Variants in ATP10A observed in about 807,000 individuals in gnomAD.
ATP10A encodes ATPase phospholipid transporting 10A (putative), also known as phospholipid-transporting ATPase VA.
ATP10A carries 111 observed loss-of-function variants against 147.8 expected under a neutral mutation model. The ratio of observed to expected loss-of-function variants is 0.75; its 90% CI spans 0.64 to 0.88. The LOEUF (loss-of-function observed/expected upper bound fraction) is 0.88, where lower values mean the gene tolerates loss of function less well. Ranked by LOEUF, ATP10A falls within the 40% of genes least tolerant of loss-of-function variation. ATP10A has a pLI of 0.00. For synonymous variants in ATP10A, 875 were observed against 841.6 expected (o/e 1.04, Z -0.69); for missense variants, 1,927 against 1,959.0 (o/e 0.98, Z 0.31).
intron 2 of ATP10A, among the ~76,000 whole-genome samples, chr15:25,737,951 C>T (rs1887378922): frequency 6.6e-6 from 1 of 152,188 alleles, no homozygotes; most frequent in South Asian, 2.1e-4. Flanking sequence ...TGTCCAGCTT[C>T]CAGACCTGTG....
intron 1 of ATP10A, among the ~76,000 whole-genome samples, chr15:25,790,947 C>T (rs774178559): frequency 2.6e-5 from 4 of 152,086 alleles, no homozygotes; most frequent in Admixed American, 6.6e-5. Context: ...CTTATTCCTA[C>T]GGAGAAGTTT....
In ATP10A at chr15:25,726,066, A is replaced by G; in HGVS notation, c.864T>C (p.Ala288=). 6.2e-7 allele frequency: 1 copy of G among 1,613,972 alleles called. No homozygotes were observed. ...AGCGGGGCCCACTGTTGTTCAGCAG[A>G]GCCTTGGTTTCATGTCCTGTCGGGG... ...IVIYAGHETK[A]LLNNSGPRYK... Residue 288 remains alanine (A), a synonymous_variant, in exon 5 of 21, where the codon GCT becomes GCC. Coordinates refer to ENST00000555815, the MANE Select transcript of ATP10A (RefSeq NM_024490.4).
intron 4 of ATP10A, 63 bp downstream of exon 4, chr15:25,727,097 A>T: frequency 1.7e-6 from 2 of 1,146,356 alleles, no homozygotes; most frequent in Non-Finnish European, 2.6e-6. Context: ...GAAAACAGTG[A>T]GGGGAAGTGC....
intron 1 of ATP10A, among the ~76,000 whole-genome samples, chr15:25,817,999 G>A (rs1470767022): frequency 7.6e-6 from 1 of 132,420 alleles, no homozygotes; most frequent in East Asian, 2.0e-4. Flanking sequence ...TCAGATGGTA[G>A]TGGGTTATCA....
chr15:25,762,390 C>T (rs1232784601), intron 2 of ATP10A, among the ~76,000 whole-genome samples: 1 of 152,150 alleles, frequency 6.6e-6, no homozygotes, highest in Non-Finnish European at 1.5e-5. Context: ...AATCTTTCTG[C>T]CTCAGCCTCC....
Position 25,714,182 on chromosome 15 carries a change from C to A in ATP10A, c.1836G>T (p.Arg612Ser), listed in dbSNP as rs1179615223. The A allele has an allele frequency of 2.5e-6, 4 of 1,607,174 alleles. No individual in the cohort carries two copies. The Admixed American group carries it at 6.7e-5, about 27-fold the overall frequency. ...CTGAGGTCAGGCAGCTGGGTGTGAA[C>A]CTCCGCAGGAAGTCTTCTATCGTCT... ...PVKTIEDFLR[R>S]FTPSCLTSGC... is the part of the protein sequence containing the mutation. Residue 612 changes from arginine to serine, a missense_variant, in exon 10 of 21, where the codon AGG (arginine) becomes AGT (serine). Coordinates refer to ENST00000555815, the MANE Select transcript of ATP10A (RefSeq NM_024490.4).
intron 1 of ATP10A, among the ~76,000 whole-genome samples, chr15:25,854,911 T>C (rs1194589270): frequency 6.6e-6 from 1 of 151,994 alleles, no homozygotes; most frequent in Admixed American, 6.6e-5. Flanking sequence ...AATACAAAAA[T>C]TAGCCAGGCA....
chr15:25,851,892 C>T (rs1893314736), intron 1 of ATP10A, among the ~76,000 whole-genome samples: 1 of 152,086 alleles, frequency 6.6e-6, no homozygotes, highest in South Asian at 2.1e-4. Context: ...TGCAAGACCT[C>T]ATCTCTAAAA....
At chr15:25,855,541 A>AACAC (rs59597825) in intron 1 of ATP10A, among the ~76,000 whole-genome samples, 25,203 of 145,532 alleles carry the variant, frequency 0.17, 2,180 homozygotes, top group Non-Finnish European at 0.2. Context: ...TATTGGTTAA[A>AACAC]ACACACACAC....
At chr15:25,752,736 G>C (rs1888219815) in intron 2 of ATP10A, among the ~76,000 whole-genome samples, 1 of 152,162 alleles carries the variant, frequency 6.6e-6, no homozygotes, top group Non-Finnish European at 1.5e-5. Flanking sequence ...CATTGTATCA[G>C]TAGACTGCTT....
intron 1 of ATP10A, among the ~76,000 whole-genome samples, chr15:25,855,156 T>C (rs1893459874): frequency 6.6e-6 from 1 of 151,540 alleles, no homozygotes; most frequent in African/African-American, 2.4e-5. Context: ...TTTTCTGATA[T>C]CAAAACCAGA....
At chr15:25,691,125 C>T (rs1403600577) in intron 15 of ATP10A, among the ~76,000 whole-genome samples, 2 of 152,188 alleles carry the variant, frequency 1.3e-5, no homozygotes, top group East Asian at 3.9e-4. Flanking sequence ...TCTCCACCAA[C>T]CCAAAAATGT....
At chr15:25,849,266 CA>C (rs1391118464) in intron 1 of ATP10A, among the ~76,000 whole-genome samples, 1 of 152,124 alleles carries the variant, frequency 6.6e-6, no homozygotes, top group Non-Finnish European at 1.5e-5. Flanking sequence ...GTGGCTTGCA[CA>C]CGTAAGGCAT....
Position 25,701,261 on chromosome 15 carries a change from G to A in ATP10A, c.2760+655C>T, listed in dbSNP as rs921062976. Reference sequence around the variant, plus strand: ...ATCTCAGAAAGGGGGACTCCCAAGCGACAAAGTCCCAAGGTCCTGATAGCT... The same window carrying A: ...ATCTCAGAAAGGGGGACTCCCAAGCAACAAAGTCCCAAGGTCCTGATAGCT... On this transcript the variant is annotated intron_variant, in intron 13 of 20. Transcript: ENST00000555815. 5.3e-5 allele frequency among the ~76,000 whole-genome samples: 8 copies of A among 152,166 alleles called. No homozygotes were observed. The East Asian group carries it at 7.7e-4, about 15-fold the overall frequency.
chr15:25,672,464 G>C (rs867219447), downstream of ATP10A, among the ~76,000 whole-genome samples: 7 of 152,346 alleles, frequency 4.6e-5, 1 homozygote, highest in Middle Eastern at 0.014. Context: ...GTAAATATCT[G>C]TGTGAGTCCC....
chr15:25,799,798 G>T (rs1890851943), intron 1 of ATP10A, among the ~76,000 whole-genome samples: 2 of 152,154 alleles, frequency 1.3e-5, no homozygotes, highest in Non-Finnish European at 2.9e-5. Context: ...GCATCACTGT[G>T]AGGGAATCCA....
At chr15:25,711,789 G>A (rs1227504271) in intron 10 of ATP10A, among the ~76,000 whole-genome samples, 2 of 152,204 alleles carry the variant, frequency 1.3e-5, no homozygotes, top group Non-Finnish European at 2.9e-5. Flanking sequence ...GAGACCCAGA[G>A]CAAAGCCACG....
intron 14 of ATP10A, 82 bp from the exon 15 acceptor site, chr15:25,691,873 G>C: frequency 1.3e-6 from 2 of 1,553,194 alleles, no homozygotes; most frequent in Non-Finnish European, 1.8e-6. Context: ...TTTCTTGGGA[G>C]TCCCCGCTGA....
chr15:25,773,093 C>T (rs553123236), intron 2 of ATP10A, among the ~76,000 whole-genome samples: 2 of 152,202 alleles, frequency 1.3e-5, no homozygotes, highest in African/African-American at 2.4e-5. Flanking sequence ...TTCCTGAAGT[C>T]GAGTTCTTGC....
Sources: gnomAD v4.1 joint callset for allele counts (sites outside exome capture counted in the v4.1 genomes callset) on GRCh38, gnomAD v4.1.1 for gene constraint, MANE v1.5 for transcripts, NCBI Gene and HGNC (gene_info 2026-07-23, HGNC 2026-07-21) for gene names.